Variants in TRIQK observed in about 807,000 individuals in gnomAD.
The protein encoded by TRIQK is triple QxxK/R motif-containing protein.
A neutral mutation model predicts 10.8 loss-of-function variants in TRIQK; 10 were observed. The ratio of observed to expected loss-of-function variants is 0.92; its 90% CI spans 0.57 to 1.57. The LOEUF (loss-of-function observed/expected upper bound fraction) is 1.57, where lower values mean the gene tolerates loss of function less well. Ranked by LOEUF, TRIQK falls within the 40% of genes most tolerant of loss-of-function variation. TRIQK has a pLI of 0.00. For synonymous variants in TRIQK, 33 were observed against 33.7 expected (o/e 0.98, Z 0.07); for missense variants, 107 against 97.7 (o/e 1.09, Z -0.40).
intron 1 of TRIQK, among the ~76,000 whole-genome samples, chr8:92,990,761 G>A (rs913939324): frequency 6.6e-6 from 1 of 152,184 alleles, no homozygotes; most frequent in African/African-American, 2.4e-5. Context: ...GCAACCCGCA[G>A]ACCAAGAGAT....
intron 2 of TRIQK, among the ~76,000 whole-genome samples, chr8:92,921,814 G>A (rs1810205457): frequency 6.6e-6 from 1 of 151,746 alleles, no homozygotes; most frequent in Admixed American, 6.6e-5. Context: ...TTTTTCTAAA[G>A]AGCTTTATTA....
At chr8:92,936,384 A>G (rs946821670) in intron 2 of TRIQK, among the ~76,000 whole-genome samples, 1 of 151,642 alleles carries the variant, frequency 6.6e-6, no homozygotes, top group Non-Finnish European at 1.5e-5. Context: ...GACAGACCTC[A>G]ATCAATACAG....
In TRIQK at chr8:92,966,116, C is replaced by T. The variant is rs1248978660; in HGVS notation, c.-290G>A. ...GGCGGGACAAGCCAGCCGCACACCC[C>T]TACTCCCAAAGGGTGAGGCGGAAAA... On this transcript the variant is annotated 5_prime_UTR_variant, in exon 1 of 5. Coordinates refer to ENST00000521988, the MANE Select transcript of TRIQK (RefSeq NM_001171797.2). 1 of 152,352 alleles carries T rather than the reference C, an allele frequency of 6.6e-6. No homozygotes were observed. The allele number at this position is 152,352 out of a possible 1,614,324, so 9.4% of individuals were successfully genotyped here.
chr8:92,960,091 T>G (rs1812374345), intron 1 of TRIQK, among the ~76,000 whole-genome samples: 3 of 152,144 alleles, frequency 2.0e-5, no homozygotes, highest in Admixed American at 2.0e-4. Context: ...AAAAAGGCCC[T>G]TTCTTCCTTC....
rs1482985897 is a variant in TRIQK at position 93,000,084 on chromosome 8, A to G, written c.-181+17525T>C. Reference sequence around the variant, plus strand: ...ACTATTAAACAATTTTTAAAAATATATTTGTATTCAAAGTATCAAAATTTG... The same window carrying G: ...ACTATTAAACAATTTTTAAAAATATGTTTGTATTCAAAGTATCAAAATTTG... On this transcript the variant is annotated intron_variant, in intron 1 of 4. Coordinates refer to the TRIQK transcript ENST00000520686. Among the ~76,000 whole-genome samples, 5 of 152,318 alleles carry G rather than the reference A, an allele frequency of 3.3e-5. No individual in the cohort carries two copies. In the South Asian group the frequency reaches 1.0e-3, roughly 32 times the overall value.
At chr8:92,964,211 C>A (rs1017709729) in intron 1 of TRIQK, among the ~76,000 whole-genome samples, 2 of 152,012 alleles carry the variant, frequency 1.3e-5, no homozygotes, top group Non-Finnish European at 2.9e-5. Context: ...CCACTCTGCT[C>A]CCAGCTATGT....
chr8:92,995,218 T>C (rs1323540309), intron 1 of TRIQK, among the ~76,000 whole-genome samples: 1 of 152,080 alleles, frequency 6.6e-6, no homozygotes, highest in East Asian at 1.9e-4. Context: ...GATTACTCTC[T>C]TATTATCTTA....
At chr8:92,902,734 A>G (rs1282589146) in intron 3 of TRIQK, among the ~76,000 whole-genome samples, 1 of 152,056 alleles carries the variant, frequency 6.6e-6, no homozygotes, top group African/African-American at 2.4e-5. Context: ...CTGTCCTTTA[A>G]TTAGTATGTT....
At chr8:92,978,357 C>T (rs1812953231) in intron 1 of TRIQK, among the ~76,000 whole-genome samples, 2 of 152,136 alleles carry the variant, frequency 1.3e-5, no homozygotes, top group African/African-American at 2.4e-5. Context: ...ATGCCCAGTG[C>T]CTGAAAACCA....
At chr8:92,924,117 T>C (rs1810324487) in intron 2 of TRIQK, among the ~76,000 whole-genome samples, 1 of 152,024 alleles carries the variant, frequency 6.6e-6, no homozygotes, top group African/African-American at 2.4e-5. Context: ...AAGCTATAGT[T>C]AGGCAGAAAA....
At chr8:92,891,258 A>G in intron 4 of TRIQK, among the ~76,000 whole-genome samples, 1 of 151,910 alleles carries the variant, frequency 6.6e-6, no homozygotes, top group South Asian at 2.1e-4. Context: ...ATAAAACCCA[A>G]AATCTCCTTT....
At chr8:92,902,384 C>T (rs1460278408) in intron 3 of TRIQK, among the ~76,000 whole-genome samples, 2 of 152,092 alleles carry the variant, frequency 1.3e-5, no homozygotes, top group East Asian at 1.9e-4. Context: ...AGGCAAATTC[C>T]CACAATCACT....
intron 1 of TRIQK, among the ~76,000 whole-genome samples, chr8:92,984,513 A>G (rs776962318): frequency 2.6e-5 from 4 of 152,214 alleles, no homozygotes; most frequent in East Asian, 3.8e-4. Context: ...AAAAGAAAGC[A>G]TAATATAGGT....
At chr8:92,967,126 G>A (rs535595552), upstream of TRIQK, among the ~76,000 whole-genome samples, 4 of 151,898 alleles carry the variant, frequency 2.6e-5, no homozygotes, top group South Asian at 4.2e-4. Flanking sequence ...CTGGTCTCCA[G>A]TTCCTCTCCC....
chr8:93,009,901 A>G (rs1813314483), intron 1 of TRIQK, among the ~76,000 whole-genome samples: 1 of 152,162 alleles, frequency 6.6e-6, no homozygotes, highest in Non-Finnish European at 1.5e-5. Flanking sequence ...ACTTAGGTTG[A>G]AATGTAGTGT....
intron 1 of TRIQK, among the ~76,000 whole-genome samples, chr8:92,992,102 C>T (rs1813102030): frequency 6.6e-6 from 1 of 152,038 alleles, no homozygotes; most frequent in Non-Finnish European, 1.5e-5. Context: ...GCAAAAGACT[C>T]TAGGGAGTCC....
rs921205377 is a variant in TRIQK, at chr8:93,016,225, A to G, written c.-181+1384T>C. Among the ~76,000 whole-genome samples the G allele has an allele frequency of 3.9e-5, 6 of 152,246 alleles. No individual in the cohort carries two copies. The East Asian group carries it at 9.6e-4, about 24-fold the overall frequency. On this transcript the variant is annotated intron_variant, in intron 1 of 4. Coordinates refer to the TRIQK transcript ENST00000520686. Reference sequence around the variant, plus strand: ...TCATCACAATAAATGAACAAAGTACATTTTACAAAACAATCCTACTGATTT... The same window carrying G: ...TCATCACAATAAATGAACAAAGTACGTTTTACAAAACAATCCTACTGATTT...
intron 2 of TRIQK, among the ~76,000 whole-genome samples, chr8:92,934,182 A>C (rs1586452650): frequency 6.6e-6 from 1 of 152,166 alleles, no homozygotes; most frequent in African/African-American, 2.4e-5. Flanking sequence ...AATAGTAGGG[A>C]AATGTACCAG....
chr8:93,011,205 C>CACACACATAT (rs769949767), intron 1 of TRIQK, among the ~76,000 whole-genome samples: 9 of 121,520 alleles, frequency 7.4e-5, no homozygotes, highest in African/African-American at 1.4e-4. Flanking sequence ...CACACACACA[C>CACACACATAT]ATATATATAT....
Sources: gnomAD v4.1 joint callset for allele counts (sites outside exome capture counted in the v4.1 genomes callset) on GRCh38, gnomAD v4.1.1 for gene constraint, MANE v1.5 for transcripts, NCBI Gene and HGNC (gene_info 2026-07-23, HGNC 2026-07-21) for gene names.